The following RAI2 variants were observed in gnomAD, a reference collection of about 807,000 sequenced individuals.
The protein encoded by RAI2 is retinoic acid-induced protein 2.
In RAI2, 5 loss-of-function variants were observed where a neutral mutation model predicts 15.3. That is an observed-to-expected ratio of 0.33 (90% CI 0.17 to 0.69). The LOEUF is 0.69. Among genes scored for constraint, RAI2 ranks in the 30% least tolerant of loss-of-function variants. RAI2 has a pLI of 0.69. For missense variants in RAI2, 424 were observed against 424.7 expected (o/e 1.00, Z 0.01); for synonymous variants, 191 against 184.0 (o/e 1.04, Z -0.31).
Position 17,829,184 on chromosome X carries a change from T to C in RAI2, c.-24-27150A>G, listed in dbSNP as rs192080515. Among the ~76,000 whole-genome samples the C allele has an allele frequency of 2.5e-3, 273 of 107,953 alleles. 3 individuals are homozygous for C. The highest frequency in any genetic ancestry group is 8.6e-3 in the African/African-American group (252 of 29,464). The allele number at this position is 107,953 out of a possible 115,157, so 93.7% of individuals were successfully genotyped here. A position where few individuals can be genotyped will look rare whatever the true frequency, so the allele number is the denominator to read the frequency against. The stretch of plus-strand genomic sequence containing the variant: ...TCATTTCAAGGAATCATAGAGTTGA[T>C]TGGATTTTAAAATTGGGCTTCAGCT... On this transcript the variant is annotated intron_variant, in intron 1 of 1. Coordinates refer to ENST00000451717, the MANE Select transcript of RAI2 (RefSeq NM_021785.6).
At chrX:17,856,600 C>G (rs1265273478) in intron 1 of RAI2, among the ~76,000 whole-genome samples, 1 of 112,479 alleles carries the variant, frequency 8.9e-6, no homozygotes, top group African/African-American at 3.2e-5. Context: ...TTATAGCAGC[C>G]CAGACGGATG....
In RAI2 at chrX:17,801,638, C is replaced by T; in HGVS notation, c.373G>A (p.Val125Met). 1 of 1,211,716 alleles carries T rather than the reference C, an allele frequency of 8.3e-7. No homozygotes were observed. Among genetic ancestry groups the T allele is most frequent in the Non-Finnish European group, 1.1e-6 (1 of 895,431 alleles). ...TTQGPVQLPV[V>M]LEQHVFQHLN... is the part of the protein sequence containing the mutation. ...TGCTGAAAGACGTGCTGCTCCAGCA[C>T]CACGGGCAGTTGCACGGGGCCCTGG... Residue 125 changes from valine to methionine, a missense_variant, in exon 2 of 2, where the codon GTG (valine) becomes ATG (methionine). Coordinates refer to ENST00000451717, the MANE Select transcript of RAI2 (RefSeq NM_021785.6).
At chrX:17,818,279 C>T (rs967770378) in intron 1 of RAI2, among the ~76,000 whole-genome samples, 1 of 112,453 alleles carries the variant, frequency 8.9e-6, no homozygotes, top group Non-Finnish European at 1.9e-5. Flanking sequence ...TGACTCAGGG[C>T]TATGGTGTCT....
In RAI2 at chrX:17,801,790, G is replaced by A. The variant is rs771404978; in HGVS notation, c.221C>T (p.Ala74Val). Residue 74 changes from alanine to valine, a missense_variant, in exon 2 of 2, where the codon GCG becomes GTG. Transcript: ENST00000451717. ...GCACAGGGGCTGCAACACAGTGGCC[G>A]CCACCTTCAGAGCCATGCCACTCTG... ...ESQSGMALKVAATVLQPLCLG... is the reference protein window; with the variant it reads ...ESQSGMALKVVATVLQPLCLG... The A allele has an allele frequency of 5.8e-6, 7 of 1,211,734 alleles. No individual in the cohort carries two copies. Among genetic ancestry groups the A allele is most frequent in the Non-Finnish European group, 7.8e-6 (7 of 895,478 alleles).
chrX:17,820,902 AAAAT>A (rs2067157514), intron 1 of RAI2, among the ~76,000 whole-genome samples: 1 of 110,297 alleles, frequency 9.1e-6, no homozygotes, highest in South Asian at 3.9e-4. Flanking sequence ...AAAAAAAAAA[AAAAT>A]AGAGACATTT....
rs769789594 is a variant in RAI2, at chrX:17,801,300, G to T, written c.711C>A (p.Ile237=). 1.1e-5 allele frequency: 13 copies of T among 1,179,950 alleles called. No individual in the cohort carries two copies. In the East Asian group the frequency reaches 3.9e-4, roughly 35 times the overall value. Residue 237 remains isoleucine (I), a synonymous_variant, in exon 2 of 2, where the codon ATC becomes ATA. Coordinates refer to ENST00000451717, the MANE Select transcript of RAI2 (RefSeq NM_021785.6). ...PATLLVPYPV[I]VPLPVPVPIP... is the part of the protein sequence containing the mutation. ...TAGGGACTGGCACAGGCAAGGGGAC[G>T]ATTACAGGATACGGCACCAAGAGGG...
chrX:17,805,756 C>T lies in RAI2; in HGVS notation c.-24-3722G>A, dbSNP rs1048530359. Among the ~76,000 whole-genome samples, 3 of 112,531 alleles carry T rather than the reference C, an allele frequency of 2.7e-5. No homozygotes were observed. The East Asian group carries it at 8.4e-4, about 32-fold the overall frequency. ...GGACAGCTCCAGATCTGCCTGACTACTCAGCCAAAGCAGGCCTGAGAGTAG... is the reference window on the plus strand; with the variant it reads ...GGACAGCTCCAGATCTGCCTGACTATTCAGCCAAAGCAGGCCTGAGAGTAG... On this transcript the variant is annotated intron_variant, in intron 1 of 1. Coordinates refer to ENST00000451717, the MANE Select transcript of RAI2 (RefSeq NM_021785.6).
intron 1 of RAI2, among the ~76,000 whole-genome samples, chrX:17,824,311 T>C (rs964845504): frequency 8.9e-6 from 1 of 112,385 alleles, no homozygotes; most frequent in Non-Finnish European, 1.9e-5. Flanking sequence ...CCAAGGGCTA[T>C]AGAAGTGAAG....
intron 1 of RAI2, among the ~76,000 whole-genome samples, chrX:17,858,154 G>A (rs773731399): frequency 1.8e-5 from 2 of 111,884 alleles, no homozygotes; most frequent in African/African-American, 6.5e-5. Flanking sequence ...TAAGGAAACT[G>A]AGGTTCAGAC....
At chrX:17,855,911 C>A (rs1180090313) in intron 1 of RAI2, among the ~76,000 whole-genome samples, 1 of 112,126 alleles carries the variant, frequency 8.9e-6, no homozygotes, top group African/African-American at 3.2e-5. Context: ...AAATCCCATG[C>A]ATCTGTTATA....
At chrX:17,851,880 C>G (rs1175854827) in intron 1 of RAI2, among the ~76,000 whole-genome samples, 8 of 112,329 alleles carry the variant, frequency 7.1e-5, no homozygotes, top group Non-Finnish European at 1.5e-4. Context: ...TAGCTTTTCC[C>G]TATAGAAGGA....
At chrX:17,827,753 G>A (rs968449812) in intron 1 of RAI2, among the ~76,000 whole-genome samples, 1 of 111,764 alleles carries the variant, frequency 8.9e-6, no homozygotes, top group Non-Finnish European at 1.9e-5. Flanking sequence ...AGGGTGAATG[G>A]GGCAAGTGGG....
chrX:17,859,618 A>G (rs1356658594), intron 1 of RAI2, among the ~76,000 whole-genome samples: 1 of 112,718 alleles, frequency 8.9e-6, no homozygotes, highest in Non-Finnish European at 1.9e-5. Flanking sequence ...TGTTGATGTC[A>G]CTTATCCTCA....
intron 1 of RAI2, among the ~76,000 whole-genome samples, chrX:17,804,169 G>A (rs1362935705): frequency 1.8e-5 from 2 of 110,364 alleles, no homozygotes; most frequent in South Asian, 3.9e-4. Flanking sequence ...CATGTTGTCC[G>A]GGATCATCTT....
At chrX:17,837,035 A>G (rs1194044451) in intron 1 of RAI2, among the ~76,000 whole-genome samples, 2 of 111,978 alleles carry the variant, frequency 1.8e-5, no homozygotes, top group African/African-American at 6.5e-5. Flanking sequence ...TTCCAGTTAC[A>G]TTGCATCATC....
At chrX:17,832,600 T>C (rs2067294774) in intron 1 of RAI2, among the ~76,000 whole-genome samples, 1 of 112,125 alleles carries the variant, frequency 8.9e-6, no homozygotes, top group Admixed American at 9.4e-5. Context: ...TCAGGAGAGA[T>C]GCCCCAATTT....
chrX:17,801,012 A>G lies in RAI2; in HGVS notation c.999T>C (p.Ser333=). ...SVPWLKAGEV[S]PPIFQEDAAL... ...CTGCATCTTCCTGGAAGATTGGGGG[A>G]CTGACTTCACCAGCCTTGAGCCAGG... The change falls in exon 2 of 2, where the codon AGT becomes AGC. Residue 333 remains serine (S), a synonymous_variant. Coordinates refer to ENST00000451717, the MANE Select transcript of RAI2 (RefSeq NM_021785.6). 1 of 1,210,979 alleles carries G rather than the reference A, an allele frequency of 8.3e-7. No individual in the cohort carries two copies. The highest frequency in any genetic ancestry group is 1.1e-6 in the Non-Finnish European group (1 of 895,307).
At chrX:17,849,347 T>C (rs758207527) in intron 1 of RAI2, among the ~76,000 whole-genome samples, 8 of 112,524 alleles carry the variant, frequency 7.1e-5, no homozygotes, top group Non-Finnish European at 1.5e-4. Flanking sequence ...GTGCATAACA[T>C]TTCCATCATT....
At chrX:17,807,458 T>C (rs1451159521) in intron 1 of RAI2, among the ~76,000 whole-genome samples, 1 of 112,120 alleles carries the variant, frequency 8.9e-6, no homozygotes, top group Non-Finnish European at 1.9e-5. Context: ...CACCCTCTTG[T>C]CGCAGGCACA....
Sources: gnomAD v4.1 joint callset for allele counts (sites outside exome capture counted in the v4.1 genomes callset) on GRCh38, gnomAD v4.1.1 for gene constraint, MANE v1.5 for transcripts, NCBI Gene and HGNC (gene_info 2026-07-23, HGNC 2026-07-21) for gene names.